PTGFR: variants seen among roughly 807,000 people sequenced by gnomAD.
PTGFR encodes the protein prostaglandin F receptor, also known as prostaglandin F2-alpha receptor.
In PTGFR, 15 loss-of-function variants were observed where a neutral mutation model predicts 26.2. The observed-to-expected ratio is 0.57, with a 90% CI of 0.38 to 0.88. PTGFR has a LOEUF of 0.88. Among genes scored for constraint, PTGFR ranks in the 40% least tolerant of loss-of-function variants. The pLI, the probability that PTGFR is intolerant of heterozygous loss-of-function variation, is 0.00. For synonymous variants in PTGFR, 165 were observed against 151.1 expected (o/e 1.09, Z -0.68); for missense variants, 369 against 427.2 (o/e 0.86, Z 1.20).
chr1:78,514,340 G>A (rs111291243), intron 2 of PTGFR, among the ~76,000 whole-genome samples: 5 of 152,340 alleles, frequency 3.3e-5, no homozygotes, highest in African/African-American at 1.2e-4. Flanking sequence ...TGCAGGATGT[G>A]GAGTTAAGGG....
At chr1:78,522,352 G>A (rs532458428) in intron 2 of PTGFR, among the ~76,000 whole-genome samples, 68 of 151,920 alleles carry the variant, frequency 4.5e-4, no homozygotes, top group Non-Finnish European at 7.7e-4. Flanking sequence ...TCTTAAGGTC[G>A]GCCATGCCAT....
chr1:78,534,981 G>T (rs1650610348), intron 2 of PTGFR, among the ~76,000 whole-genome samples: 1 of 152,126 alleles, frequency 6.6e-6, no homozygotes. Flanking sequence ...GTCAGGCTGT[G>T]GAATAACCTC....
At chr1:78,534,262 T>C (rs981029980) in intron 2 of PTGFR, among the ~76,000 whole-genome samples, 2 of 152,176 alleles carry the variant, frequency 1.3e-5, no homozygotes, top group South Asian at 2.1e-4. Flanking sequence ...CAGAGAATAA[T>C]GTTCTCAACG....
In PTGFR at chr1:78,491,163, G is replaced by A. The variant is rs1025152280; in HGVS notation, c.-146G>A. On this transcript the variant is annotated 5_prime_UTR_variant, in exon 1 of 3. Transcript: ENST00000370757. Reference sequence around the variant, plus strand: ...GTGGAACTTGAGGCAGCGGCGGCGCGGGGCGCCATGGCACACCGAGCGGCT... The same window carrying A: ...GTGGAACTTGAGGCAGCGGCGGCGCAGGGCGCCATGGCACACCGAGCGGCT... The A allele has an allele frequency of 6.6e-6, 1 of 152,414 alleles. No individual in the cohort carries two copies. Among genetic ancestry groups the A allele is most frequent in the African/African-American group, 2.4e-5 (1 of 41,472 alleles). The allele number at this position is 152,414 out of a possible 1,614,324, so 9.4% of individuals were successfully genotyped here. A position where few individuals can be genotyped will look rare whatever the true frequency, so the allele number is the denominator to read the frequency against.
chr1:78,537,827 GATA>G lies in PTGFR; in HGVS notation c.*1146_*1148del, dbSNP rs1362750005. ...ATAACAATTAACTAGGAGATCAAGA[GATA>G]ATAATCTCTCCCCAAATTTTCCAAT... On this transcript the variant is annotated 3_prime_UTR_variant, in exon 3 of 3. Coordinates refer to ENST00000370757, the MANE Select transcript of PTGFR (RefSeq NM_000959.4). The G allele has an allele frequency of 1.3e-5, 2 of 152,038 alleles. No homozygotes were observed. Among genetic ancestry groups the G allele is most frequent in the Admixed American group, 6.6e-5 (1 of 15,238 alleles). The allele number at this position is 152,038 out of a possible 1,614,324, so 9.4% of individuals were successfully genotyped here. A position where few individuals can be genotyped will look rare whatever the true frequency, so the allele number is the denominator to read the frequency against.
intron 2 of PTGFR, among the ~76,000 whole-genome samples, chr1:78,497,666 T>G (rs1484962142): frequency 1.3e-5 from 2 of 152,198 alleles, no homozygotes; most frequent in African/African-American, 4.8e-5. Context: ...ACTGGTTGAC[T>G]GTAACTTAAG....
At chr1:78,508,073 G>T (rs1216348446) in intron 2 of PTGFR, among the ~76,000 whole-genome samples, 1 of 151,956 alleles carries the variant, frequency 6.6e-6, no homozygotes, top group Non-Finnish European at 1.5e-5. Flanking sequence ...ATTACATTTT[G>T]CTTATACTCA....
In PTGFR at chr1:78,497,514, T is replaced by C. The variant is rs150385679; in HGVS notation, c.798+3973T>C. Among the ~76,000 whole-genome samples the C allele has an allele frequency of 1.0e-3, 158 of 152,318 alleles. 1 individual carries two copies. Among genetic ancestry groups the C allele is most frequent in the African/African-American group, 3.4e-3 (142 of 41,586 alleles). On this transcript the variant is annotated intron_variant, in intron 2 of 2. Coordinates refer to ENST00000370757, the MANE Select transcript of PTGFR (RefSeq NM_000959.4). The stretch of plus-strand genomic sequence containing the variant: ...TCACCAGCACTTTTGAGAAACATTT[T>C]CTCAATATTCTTTTGTTTCTACTTT...
intron 2 of PTGFR, among the ~76,000 whole-genome samples, chr1:78,535,696 T>C (rs575266060): frequency 2.0e-5 from 3 of 152,284 alleles, no homozygotes; most frequent in East Asian, 3.9e-4. Context: ...TTTATAGAAC[T>C]GATTCCATGA....
At position 78,493,598 on chromosome 1, in the gene PTGFR, G is replaced by C. The variant is rs570979501; in HGVS notation, c.798+57G>C. The stretch of plus-strand genomic sequence containing the variant: ...TTGGGTTAATCCATGTTCAATTCAA[G>C]GTTATCTGGAAGTTCAGTCTTTTAA... On this transcript the variant is annotated intron_variant, in intron 2 of 2. Coordinates refer to ENST00000370757, the MANE Select transcript of PTGFR (RefSeq NM_000959.4). 1,302 of 1,455,950 alleles carry C rather than the reference G, an allele frequency of 8.9e-4. 20 individuals carry two copies. The South Asian group carries it at 0.018, about 20-fold the overall frequency. The allele number at this position is 1,455,950 out of a possible 1,614,324, so 90.2% of individuals were successfully genotyped here.
chr1:78,507,543 T>G (rs1649856849), intron 2 of PTGFR, among the ~76,000 whole-genome samples: 2 of 152,228 alleles, frequency 1.3e-5, no homozygotes, highest in Admixed American at 1.3e-4. Context: ...ATAGTCTATG[T>G]CTACTTTGCT....
rs12065196 is a variant in PTGFR at position 78,540,113 on chromosome 1, T to C, written c.*3426T>C. On this transcript the variant is annotated 3_prime_UTR_variant, in exon 3 of 3. Coordinates refer to ENST00000370757, the MANE Select transcript of PTGFR (RefSeq NM_000959.4). Reference sequence around the variant, plus strand: ...TCCACTCTGAAGGGGAGCTCTGCTGTTGTAATCACTCAGAGAACTCAGGTG... The same window carrying C: ...TCCACTCTGAAGGGGAGCTCTGCTGCTGTAATCACTCAGAGAACTCAGGTG... 0.17 allele frequency among the ~76,000 whole-genome samples: 25,883 copies of C among 152,064 alleles called. 2,329 individuals carry two copies. The highest frequency in any genetic ancestry group is 0.2 in the Non-Finnish European group (13,753 of 67,942).
At chr1:78,503,664 C>G (rs781615054) in intron 2 of PTGFR, among the ~76,000 whole-genome samples, 2 of 152,146 alleles carry the variant, frequency 1.3e-5, no homozygotes, top group Non-Finnish European at 2.9e-5. Context: ...TTCTCTTCTC[C>G]AAACTCCACA....
chr1:78,513,446 T>C (rs1269330824), intron 2 of PTGFR, among the ~76,000 whole-genome samples: 1 of 152,192 alleles, frequency 6.6e-6, no homozygotes, highest in Non-Finnish European at 1.5e-5. Flanking sequence ...TTAAAAGTGA[T>C]GGCCTAGGGT....
intron 2 of PTGFR, among the ~76,000 whole-genome samples, chr1:78,507,063 T>A (rs748347204): frequency 2.0e-5 from 3 of 152,228 alleles, no homozygotes; most frequent in African/African-American, 7.2e-5. Context: ...CATGCATGAT[T>A]CAAAGGTCAG....
chr1:78,534,451 T>C (rs1264099767), intron 2 of PTGFR, among the ~76,000 whole-genome samples: 3 of 152,168 alleles, frequency 2.0e-5, no homozygotes, highest in African/African-American at 4.8e-5. Context: ...CTCACATCCA[T>C]AGAGATGTAC....
chr1:78,494,997 G>C (rs2100347855), intron 2 of PTGFR, among the ~76,000 whole-genome samples: 1 of 152,326 alleles, frequency 6.6e-6, no homozygotes, highest in South Asian at 2.1e-4. Context: ...TGATAGAGTT[G>C]AGTTTATTTT....
chr1:78,509,406 C>T (rs1200546325), intron 2 of PTGFR, among the ~76,000 whole-genome samples: 1 of 152,142 alleles, frequency 6.6e-6, no homozygotes, highest in Non-Finnish European at 1.5e-5. Context: ...TTTTTGTCTG[C>T]TTATATTAGA....
intron 2 of PTGFR, chr1:78,497,913 G>T: frequency 6.3e-7 from 1 of 1,593,918 alleles, no homozygotes; most frequent in African/African-American, 1.3e-5. Context: ...GAAATATAAA[G>T]TATATGAAGA....
Sources: allele counts gnomAD v4.1 joint callset (sites outside exome capture counted in the v4.1 genomes callset), GRCh38; gene constraint gnomAD v4.1.1; transcripts MANE v1.5; gene names NCBI Gene and HGNC (gene_info 2026-07-23, HGNC 2026-07-21).